The following RASL10A variants were observed in gnomAD, a reference collection of about 807,000 sequenced individuals.
The protein encoded by RASL10A is RAS like family 10 member A, also known as ras-like protein family member 10A.
A neutral mutation model predicts 17.3 loss-of-function variants in RASL10A; 13 were observed. The ratio of observed to expected loss-of-function variants is 0.75; its 90% CI spans 0.49 to 1.20. The LOEUF (loss-of-function observed/expected upper bound fraction) is 1.20. Among genes scored for constraint, RASL10A ranks in the 50% most tolerant of loss-of-function variants. The pLI is 0.00. For synonymous variants in RASL10A, 159 were observed against 142.2 expected, an observed-to-expected ratio of 1.12 and a Z score of -0.84; for missense variants, 307 against 310.3, an observed-to-expected ratio of 0.99 and a Z score of 0.08.
At chr22:29,317,221 T>C (rs1313446645), upstream of RASL10A, 2 of 152,302 alleles carry the variant, frequency 1.3e-5, no homozygotes, top group Non-Finnish European at 2.9e-5. Context: ...CTCTTTCACG[T>C]TGTAACTTTT....
At chr22:29,317,962 AG>A (rs1459275989), upstream of RASL10A, among the ~76,000 whole-genome samples, 1 of 152,078 alleles carries the variant, frequency 6.6e-6, no homozygotes, top group Non-Finnish European at 1.5e-5. Flanking sequence ...CTGGGGTTTC[AG>A]GCATGAGCCA....
Position 29,314,095 on chromosome 22 carries a change from C to G in RASL10A, c.220-108G>C. ...TCCTCAGGCCAACATCACCCCCATA[C>G]AGACCTCTGTGCCCCTCCCCCAAGC... On this transcript the variant is annotated intron_variant, in intron 1 of 2. Coordinates refer to ENST00000216101, the MANE Select transcript of RASL10A (RefSeq NM_006477.5). The G allele has an allele frequency of 2.1e-6, 3 of 1,448,868 alleles. No individual in the cohort carries two copies. In the South Asian group the frequency reaches 3.9e-5, roughly 19 times the overall value. The allele number at this position is 1,448,868 out of a possible 1,614,324, so 89.8% of individuals were successfully genotyped here. A position where few individuals can be genotyped will look rare whatever the true frequency, so the allele number is the denominator to read the frequency against.
chr22:29,313,778 T>G, intron 2 of RASL10A, 85 bp downstream of exon 2: 2 of 1,563,436 alleles, frequency 1.3e-6, no homozygotes, highest in Non-Finnish European at 1.7e-6. Flanking sequence ...GCCCACGACG[T>G]TGGGAGACCC....
chr22:29,315,111 C>G lies in RASL10A; in HGVS notation c.136G>C (p.Val46Leu). 3 of 1,530,852 alleles carry G rather than the reference C, an allele frequency of 2.0e-6. No homozygotes were observed. The highest frequency in any genetic ancestry group is 2.6e-6 in the Non-Finnish European group (3 of 1,143,020). The allele number at this position is 1,530,852 out of a possible 1,614,324, so 94.8% of individuals were successfully genotyped here. ...TCGTAGACGGCGCCGTCGAGCAGCA[C>G]CGCGGGTCGGTAGAGGCGCGGCCCG... The part of the protein sequence containing the change: ...TDGPRLYRPA[V>L]LLDGAVYDLS... The change falls in exon 1 of 3, where the codon GTG becomes CTG. Residue 46 changes from valine to leucine, a missense_variant. By Grantham distance (32) the Val-to-Leu change is conservative (BLOSUM62 1). Coordinates refer to ENST00000216101, the MANE Select transcript of RASL10A (RefSeq NM_006477.5). The surrounding 1 kb of genome is among the most constrained non-coding windows in gnomAD (Gnocchi z 5.5).
chr22:29,313,620 C>A, intron 2 of RASL10A, 52 bp from the exon 3 acceptor site: 2 of 1,481,994 alleles, frequency 1.3e-6, no homozygotes, highest in Non-Finnish European at 1.8e-6. Flanking sequence ...CCGGAGAATT[C>A]CCCCAGTGGG....
rs1428729104 is a variant in RASL10A at position 29,315,211 on chromosome 22, G to C, written c.36C>G (p.Ala12=). The C allele has an allele frequency of 2.6e-6, 4 of 1,526,656 alleles. No individual in the cohort carries two copies. The South Asian group carries it at 4.9e-5, about 19-fold the overall frequency. The allele number at this position is 1,526,656 out of a possible 1,614,324, so 94.6% of individuals were successfully genotyped here. Residue 12 remains alanine (A), a synonymous_variant, in exon 1 of 3, where the codon GCC becomes GCG. Transcript: ENST00000216101. The surrounding 1 kb of genome is among the most constrained non-coding windows in gnomAD (Gnocchi z 5.5). The stretch of plus-strand genomic sequence containing the variant: ...TGATGGCCGTCTTGCCCACGCCCGG[G>C]GCGCCTAGAACGGCCACCCGCAGGC... The part of the protein sequence containing the change: ...GGSLRVAVLG[A]PGVGKTAIIR...
At chr22:29,314,740 GCAC>G (rs2061442655) in intron 1 of RASL10A, among the ~76,000 whole-genome samples, 1 of 152,112 alleles carries the variant, frequency 6.6e-6, no homozygotes, top group African/African-American at 2.4e-5. Context: ...GCACCGTTAT[GCAC>G]CACCAAGAGC....
intron 2 of RASL10A, 111 bp from the exon 3 acceptor site, chr22:29,313,679 C>G (rs982610055): frequency 1.4e-6 from 2 of 1,415,666 alleles, no homozygotes; most frequent in Admixed American, 2.7e-5. Context: ...ACACCGCCCC[C>G]CCCGCCGCCC....
At chr22:29,314,049 C>T in intron 1 of RASL10A, 62 bp from the exon 2 acceptor site, 1 of 1,595,174 alleles carries the variant, frequency 6.3e-7, no homozygotes, top group Non-Finnish European at 8.5e-7. Context: ...CTCGAACCCT[C>T]TGCAGGGGCC....
intron 2 of RASL10A, 129 bp from the exon 3 acceptor site, chr22:29,313,697 AC>A: frequency 7.0e-7 from 1 of 1,421,052 alleles, no homozygotes; most frequent in African/African-American, 1.4e-5. Flanking sequence ...CCCCAACGAA[AC>A]CCCAGGCCCA....
chr22:29,317,792 C>G (rs548231283), upstream of RASL10A, among the ~76,000 whole-genome samples: 58 of 152,320 alleles, frequency 3.8e-4, no homozygotes, highest in Non-Finnish European at 6.9e-4. Flanking sequence ...TCAAGCAATT[C>G]TCCTGTCTCA....
At chr22:29,316,873 G>T (rs919144273), upstream of RASL10A, 1 of 152,108 alleles carries the variant, frequency 6.6e-6, no homozygotes, top group Admixed American at 6.5e-5. Flanking sequence ...CTTTGGGAGA[G>T]AAGGTTCTAG....
chr22:29,319,095 C>T (rs1437407541), upstream of RASL10A, among the ~76,000 whole-genome samples: 1 of 151,866 alleles, frequency 6.6e-6, no homozygotes, highest in Non-Finnish European at 1.5e-5. Flanking sequence ...CAGTTCATTG[C>T]CCACAGGCTC....
upstream of RASL10A, among the ~76,000 whole-genome samples, chr22:29,318,751 T>C (rs1042435213): frequency 6.6e-6 from 1 of 152,164 alleles, no homozygotes; most frequent in Admixed American, 6.5e-5. Flanking sequence ...TCCTGGGCAC[T>C]CCTTGAATGC....
intron 2 of RASL10A, 142 bp downstream of exon 2, chr22:29,313,721 A>T: frequency 6.9e-7 from 1 of 1,442,152 alleles, no homozygotes; most frequent in Non-Finnish European, 9.2e-7. Flanking sequence ...TGGGCCAAAG[A>T]GCACATACAG....
chr22:29,313,604 C>A, intron 2 of RASL10A, 36 bp from the exon 3 acceptor site: 2 of 1,496,810 alleles, frequency 1.3e-6, no homozygotes, highest in Non-Finnish European at 1.8e-6. Context: ...CGCGGGGACC[C>A]CACGGCCGGA....
chr22:29,315,239 C>T lies in RASL10A; in HGVS notation c.8G>A (p.Gly3Asp). 1 of 1,477,750 alleles carries T rather than the reference C, an allele frequency of 6.8e-7. No homozygotes were observed. Among genetic ancestry groups the T allele is most frequent in the Non-Finnish European group, 8.9e-7 (1 of 1,123,744 alleles). The allele number at this position is 1,477,750 out of a possible 1,614,324, so 91.5% of individuals were successfully genotyped here. MG[G>D]SLRVAVLGAP... ...GCCTAGAACGGCCACCCGCAGGCTA[C>T]CCCCCATGGCCGGCCGGCGCTGTCG... Residue 3 changes from glycine to aspartate, a missense_variant, in exon 1 of 3, where the codon GGT (glycine) becomes GAT (aspartate). Gly to Asp is a moderately conservative substitution (Grantham distance 94). Transcript: ENST00000216101. The surrounding 1 kb of genome is among the most constrained non-coding windows in gnomAD (Gnocchi z 5.5).
At position 29,315,010 on chromosome 22, in the gene RASL10A, C is replaced by G. The variant is rs1417329806; in HGVS notation, c.219+18G>C. 6.7e-7 allele frequency: 1 copy of G among 1,482,872 alleles called. No homozygotes were observed. 91.9% of individuals were successfully genotyped at this position (1,482,872 alleles called of 1,614,324 possible). A position where few individuals can be genotyped will look rare whatever the true frequency, so the allele number is the denominator to read the frequency against. On this transcript the variant is annotated intron_variant, in intron 1 of 2. Transcript: ENST00000216101. The surrounding 1 kb of genome is among the most constrained non-coding windows in gnomAD (Gnocchi z 5.5). ...CCTCACACTGTCACACGCCCCTGCC[C>G]GCTCCTCGAGCCGCTACCTCCGGAC...
upstream of RASL10A, chr22:29,316,670 G>C (rs1215859020): frequency 6.6e-6 from 1 of 152,252 alleles, no homozygotes; most frequent in Admixed American, 6.5e-5. Context: ...GGGCTCCCAC[G>C]TCTCTGACCT....
Sources: allele counts gnomAD v4.1 joint callset (sites outside exome capture counted in the v4.1 genomes callset), GRCh38; gene constraint gnomAD v4.1.1; non-coding constraint Gnocchi (gnomAD v3.1); transcripts MANE v1.5; gene names NCBI Gene and HGNC (gene_info 2026-07-23, HGNC 2026-07-21).